POT1: variants seen among roughly 807,000 people sequenced by gnomAD.
POT1 encodes protection of telomeres protein 1.
In POT1, 47 loss-of-function variants were observed where a neutral mutation model predicts 78.5. The ratio of observed to expected loss-of-function variants is 0.60; its 90% CI spans 0.47 to 0.76. The LOEUF is 0.76. Among genes scored for constraint, POT1 ranks in the 30% least tolerant of loss-of-function variants. The probability of loss-of-function intolerance (pLI) is 0.00; values close to 1 mark genes in which losing one functional copy is unlikely to be tolerated. For missense variants in POT1, 646 were observed against 749.9 expected (o/e 0.86, Z 1.62); for synonymous variants, 259 against 260.7 (o/e 0.99, Z 0.06).
chr7:124,829,389 G>C lies in POT1; in HGVS notation c.1506-47C>G, dbSNP rs369096823. On this transcript the variant is annotated intron_variant, in intron 15 of 18. Transcript: ENST00000357628. ...ACCATAAATATTTAAAAATAATTTAGCTTGTTTGTTATAACTTTTTACTGC... is the reference window on the plus strand; with the variant it reads ...ACCATAAATATTTAAAAATAATTTACCTTGTTTGTTATAACTTTTTACTGC... The C allele has an allele frequency of 1.1e-5, 14 of 1,272,354 alleles. No homozygotes were observed. In the African/African-American group the frequency reaches 1.8e-4, roughly 17 times the overall value. The allele number at this position is 1,272,354 out of a possible 1,614,324, so 78.8% of individuals were successfully genotyped here.
intron 6 of POT1, among the ~76,000 whole-genome samples, chr7:124,881,187 A>G (rs1248793425): frequency 6.6e-6 from 1 of 151,950 alleles, no homozygotes; most frequent in Non-Finnish European, 1.5e-5. Flanking sequence ...AAAGTTATAT[A>G]TATATTTTCA....
chr7:124,917,909 C>A (rs1208189530), intron 2 of POT1, among the ~76,000 whole-genome samples: 1 of 152,126 alleles, frequency 6.6e-6, no homozygotes, highest in Non-Finnish European at 1.5e-5. Flanking sequence ...GAAAGGGAAT[C>A]CCTTAGGTCC....
At chr7:124,850,207 T>G (rs1041584926) in intron 11 of POT1, among the ~76,000 whole-genome samples, 1 of 152,196 alleles carries the variant, frequency 6.6e-6, no homozygotes, top group Non-Finnish European at 1.5e-5. Flanking sequence ...CACGAAGTTG[T>G]TAGCATTTTA....
intron 15 of POT1, among the ~76,000 whole-genome samples, chr7:124,832,937 C>T (rs1003414392): frequency 4.0e-5 from 6 of 151,426 alleles, no homozygotes; most frequent in African/African-American, 7.3e-5. Context: ...CTGGTTTAGA[C>T]GCGTCACGGT....
intron 6 of POT1, among the ~76,000 whole-genome samples, chr7:124,882,362 G>A (rs1217638081): frequency 6.6e-6 from 1 of 151,986 alleles, no homozygotes; most frequent in African/African-American, 2.4e-5. Context: ...ATTATGTGCT[G>A]TCATCTTACT....
At chr7:124,893,455 T>C (rs1160721586) in intron 5 of POT1, among the ~76,000 whole-genome samples, 3 of 151,492 alleles carry the variant, frequency 2.0e-5, no homozygotes, top group Non-Finnish European at 4.4e-5. Context: ...GAAAACTTAT[T>C]GAGAAGTTGA....
chr7:124,907,588 T>C (rs192923669), intron 3 of POT1, among the ~76,000 whole-genome samples: 21 of 152,234 alleles, frequency 1.4e-4, no homozygotes, highest in Admixed American at 7.2e-4. Context: ...ATGATAGATA[T>C]ATGTCAAAAT....
At chr7:124,856,950 C>G (rs1795462113) in intron 9 of POT1, among the ~76,000 whole-genome samples, 1 of 152,152 alleles carries the variant, frequency 6.6e-6, no homozygotes. Context: ...TACATATATA[C>G]ACACAGAGGA....
chr7:124,876,655 T>C (rs1795997949), intron 6 of POT1, among the ~76,000 whole-genome samples: 2 of 152,216 alleles, frequency 1.3e-5, no homozygotes, highest in South Asian at 2.1e-4. Context: ...TACTGAAGTA[T>C]ACAGACTGTT....
intron 9 of POT1, among the ~76,000 whole-genome samples, chr7:124,857,802 C>T (rs150709033): frequency 9.8e-5 from 15 of 152,306 alleles, no homozygotes; most frequent in Middle Eastern, 3.4e-3. Flanking sequence ...CACAAGAGCT[C>T]GGGTGCCACA....
chr7:124,863,096 A>T (rs1795637235), intron 8 of POT1, among the ~76,000 whole-genome samples: 1 of 152,204 alleles, frequency 6.6e-6, no homozygotes, highest in African/African-American at 2.4e-5. Flanking sequence ...CTAAAATTTT[A>T]AAAATGCATC....
At chr7:124,840,948 CA>C (rs1342332663) in intron 14 of POT1, 24 bp downstream of exon 14, 3 of 1,544,716 alleles carry the variant, frequency 1.9e-6, no homozygotes, top group Non-Finnish European at 2.7e-6. Flanking sequence ...AGTATTCTAA[CA>C]AAACAGTGAC....
intron 9 of POT1, among the ~76,000 whole-genome samples, chr7:124,856,989 A>T (rs1044150507): frequency 7.2e-5 from 11 of 152,164 alleles, no homozygotes; most frequent in African/African-American, 2.7e-4. Context: ...ATCTTCCTGG[A>T]CCCTGGATTT....
chr7:124,885,669 G>A (rs1796227340), intron 6 of POT1, among the ~76,000 whole-genome samples: 1 of 152,072 alleles, frequency 6.6e-6, no homozygotes. Flanking sequence ...AGGAGGCTGA[G>A]GCAGGAGAAT....
intron 15 of POT1, among the ~76,000 whole-genome samples, chr7:124,834,522 T>A (rs1001790469): frequency 7.9e-5 from 12 of 152,016 alleles, no homozygotes; most frequent in African/African-American, 2.9e-4. Context: ...ATTAGAGAAA[T>A]GCAAATCAAA....
At chr7:124,833,549 G>A (rs1336067193) in intron 15 of POT1, among the ~76,000 whole-genome samples, 3 of 152,198 alleles carry the variant, frequency 2.0e-5, no homozygotes, top group African/African-American at 7.2e-5. Context: ...GTAGAAATCT[G>A]TTTATAGCTC....
At chr7:124,850,263 A>G (rs935579945) in intron 11 of POT1, among the ~76,000 whole-genome samples, 1 of 152,208 alleles carries the variant, frequency 6.6e-6, no homozygotes, top group African/African-American at 2.4e-5. Context: ...AAATAAATGT[A>G]AAGTATGTAC....
At chr7:124,851,013 C>A (rs1425828275) in intron 11 of POT1, among the ~76,000 whole-genome samples, 1 of 151,644 alleles carries the variant, frequency 6.6e-6, no homozygotes. Context: ...AGCCTGTAAT[C>A]CCAGAATTTT....
chr7:124,830,605 AC>A (rs540793389), intron 15 of POT1, among the ~76,000 whole-genome samples: 70 of 152,254 alleles, frequency 4.6e-4, no homozygotes, highest in South Asian at 1.7e-3. Flanking sequence ...AGAACTACTT[AC>A]TTCCAAAGCA....
Sources: gnomAD v4.1 joint callset for allele counts (sites outside exome capture counted in the v4.1 genomes callset) on GRCh38, gnomAD v4.1.1 for gene constraint, MANE v1.5 for transcripts, NCBI Gene and HGNC (gene_info 2026-07-23, HGNC 2026-07-21) for gene names.